SMC5: variants seen among roughly 807,000 people sequenced by gnomAD.
SMC5 encodes the protein structural maintenance of chromosomes protein 5.
SMC5 carries 88 observed loss-of-function variants against 148.3 expected under a neutral mutation model. The observed-to-expected ratio is 0.59, with a 90% CI of 0.50 to 0.71. The LOEUF (loss-of-function observed/expected upper bound fraction) is 0.71, where lower values mean the gene tolerates loss of function less well. Among genes scored for constraint, SMC5 ranks in the 30% least tolerant of loss-of-function variants. The pLI is 0.00. For synonymous variants in SMC5, 421 were observed against 432.8 expected (o/e 0.97, Z 0.34); for missense variants, 1,142 against 1,298.9 (o/e 0.88, Z 1.86).
chr9:70,273,622 T>C (rs1429509088), intron 3 of SMC5, among the ~76,000 whole-genome samples: 1 of 152,160 alleles, frequency 6.6e-6, no homozygotes. Flanking sequence ...CTTACTACTT[T>C]AGCTCCATCT....
rs142772586 is a variant in SMC5 at position 70,349,128 on chromosome 9, G to A, written c.2890-986G>A. Among the ~76,000 whole-genome samples, 1,314 of 152,278 alleles carry A rather than the reference G, an allele frequency of 8.6e-3. 10 individuals are homozygous for A. Among genetic ancestry groups the A allele is most frequent in the Middle Eastern group, 0.02 (6 of 294 alleles). ...CTCACCCAGGCTGGAGCGCAGTGGCGCAATCTTGGCTCACTGCAACCTCCA... is the reference window on the plus strand; with the variant it reads ...CTCACCCAGGCTGGAGCGCAGTGGCACAATCTTGGCTCACTGCAACCTCCA... On this transcript the variant is annotated intron_variant, in intron 22 of 24. Coordinates refer to ENST00000361138, the MANE Select transcript of SMC5 (RefSeq NM_015110.4).
Position 70,286,183 on chromosome 9 carries a change from C to T in SMC5, c.982-17C>T. The T allele has an allele frequency of 6.7e-7, 1 of 1,497,626 alleles. No homozygotes were observed. The highest frequency in any genetic ancestry group is 1.2e-5 in the South Asian group (1 of 86,008). 92.8% of individuals were successfully genotyped at this position (1,497,626 alleles called of 1,614,324 possible). A position where few individuals can be genotyped will look rare whatever the true frequency, so the allele number is the denominator to read the frequency against. On this transcript the variant is annotated splice_polypyrimidine_tract_variant and intron_variant, in intron 7 of 24. Coordinates refer to ENST00000361138, the MANE Select transcript of SMC5 (RefSeq NM_015110.4). ...TTTAACTAGCTGTCCCCCCCTCTCC[C>T]CGGTTTAATTTTACAGGCAACAGAT...
chr9:70,330,678 G>T (rs1164926597), intron 17 of SMC5, among the ~76,000 whole-genome samples: 1 of 151,730 alleles, frequency 6.6e-6, no homozygotes, highest in Non-Finnish European at 1.5e-5. Flanking sequence ...AAGTAGCTGG[G>T]ACTAGCAGGC....
chr9:70,303,548 C>T (rs540505812), intron 10 of SMC5, among the ~76,000 whole-genome samples: 8 of 152,210 alleles, frequency 5.3e-5, no homozygotes, highest in African/African-American at 1.7e-4. Flanking sequence ...TCTCATTTTT[C>T]TATACTGAAT....
intron 17 of SMC5, among the ~76,000 whole-genome samples, chr9:70,327,566 C>T (rs2036112444): frequency 1.3e-5 from 2 of 152,086 alleles, no homozygotes; most frequent in Non-Finnish European, 2.9e-5. Flanking sequence ...GGGGAACTGG[C>T]TTGTGACTTT....
intron 17 of SMC5, among the ~76,000 whole-genome samples, chr9:70,330,632 T>G (rs980926603): frequency 3.3e-5 from 5 of 149,388 alleles, no homozygotes; most frequent in Admixed American, 6.8e-5. Flanking sequence ...AACCTCCGCC[T>G]TCTGGGTTCA....
intron 17 of SMC5, among the ~76,000 whole-genome samples, chr9:70,342,060 T>TA (rs1243463548): frequency 6.6e-5 from 10 of 150,994 alleles, no homozygotes; most frequent in Non-Finnish European, 1.2e-4. Flanking sequence ...TATGCAGCCA[T>TA]AAAAAATGAT....
chr9:70,302,739 G>A (rs1293674423), intron 10 of SMC5, among the ~76,000 whole-genome samples: 2 of 152,134 alleles, frequency 1.3e-5, no homozygotes, highest in Non-Finnish European at 2.9e-5. Context: ...CCTCCAAACT[G>A]TGAATGTGTA....
chr9:70,266,869 T>G (rs2034304846), intron 2 of SMC5, among the ~76,000 whole-genome samples: 1 of 152,230 alleles, frequency 6.6e-6, no homozygotes, highest in South Asian at 2.1e-4. Flanking sequence ...ATGTCATTCC[T>G]ACATGGATGT....
intron 17 of SMC5, among the ~76,000 whole-genome samples, chr9:70,334,222 T>C (rs1479689790): frequency 3.3e-5 from 5 of 151,276 alleles, no homozygotes; most frequent in Non-Finnish European, 7.4e-5. Flanking sequence ...TGCATAGTCA[T>C]ATGTAAAAAA....
At chr9:70,260,270 A>AT (rs202241946) in intron 1 of SMC5, among the ~76,000 whole-genome samples, 47 of 151,142 alleles carry the variant, frequency 3.1e-4, no homozygotes, top group Middle Eastern at 3.4e-3. Flanking sequence ...ACGCCCAGCT[A>AT]TTTTTTTTTG....
intron 8 of SMC5, among the ~76,000 whole-genome samples, chr9:70,292,116 A>G (rs892840004): frequency 1.3e-5 from 2 of 152,134 alleles, no homozygotes; most frequent in African/African-American, 2.4e-5. Context: ...AATTTTGACA[A>G]TTTTTGTCAG....
At chr9:70,282,321 C>T in intron 6 of SMC5, 101 bp from the exon 7 acceptor site, 2 of 1,263,874 alleles carry the variant, frequency 1.6e-6, no homozygotes, top group South Asian at 3.7e-5. Context: ...GATATCAAAA[C>T]AATCTTTTCT....
rs559015531 is a variant in SMC5, at chr9:70,299,990, T to C, written c.1310-56T>C. The stretch of plus-strand genomic sequence containing the variant: ...ATTCTTTTGTGTTATTATTAGATTA[T>C]TTCACTAATTAAAATTTTCAGAGAA... On this transcript the variant is annotated intron_variant, in intron 9 of 24. Coordinates refer to ENST00000361138, the MANE Select transcript of SMC5 (RefSeq NM_015110.4). The C allele has an allele frequency of 6.1e-6, 9 of 1,467,062 alleles. No homozygotes were observed. The African/African-American group carries it at 1.3e-4, about 21-fold the overall frequency. The allele number at this position is 1,467,062 out of a possible 1,614,324, so 90.9% of individuals were successfully genotyped here.
At chr9:70,332,139 T>G (rs2036233902) in intron 17 of SMC5, among the ~76,000 whole-genome samples, 1 of 152,172 alleles carries the variant, frequency 6.6e-6, no homozygotes, top group Non-Finnish European at 1.5e-5. Flanking sequence ...CTTATATTTA[T>G]TTAAAAAATT....
intron 24 of SMC5, among the ~76,000 whole-genome samples, chr9:70,351,901 C>T (rs1378198781): frequency 6.6e-6 from 1 of 152,006 alleles, no homozygotes; most frequent in Non-Finnish European, 1.5e-5. Flanking sequence ...CATGGTGAAA[C>T]CCTGTCTGTA....
At chr9:70,336,166 CT>C (rs2036351564) in intron 17 of SMC5, among the ~76,000 whole-genome samples, 1 of 152,078 alleles carries the variant, frequency 6.6e-6, no homozygotes, top group Non-Finnish European at 1.5e-5. Flanking sequence ...ATAGGGGTGC[CT>C]TTTTGTGGAA....
chr9:70,291,293 TTCA>T (rs1324197764), intron 8 of SMC5, among the ~76,000 whole-genome samples: 9 of 152,322 alleles, frequency 5.9e-5, no homozygotes, highest in Non-Finnish European at 1.3e-4. Context: ...GGGTCATGCC[TTCA>T]TCATTCAGCC....
At chr9:70,308,830 A>C (rs1040807894) in intron 11 of SMC5, among the ~76,000 whole-genome samples, 1 of 152,074 alleles carries the variant, frequency 6.6e-6, no homozygotes, top group Non-Finnish European at 1.5e-5. Flanking sequence ...GTACGTAGAC[A>C]TATCGATTTT....
Sources: allele counts gnomAD v4.1 joint callset (sites outside exome capture counted in the v4.1 genomes callset), GRCh38; gene constraint gnomAD v4.1.1; transcripts MANE v1.5; gene names NCBI Gene and HGNC (gene_info 2026-07-23, HGNC 2026-07-21).